Variants in ARHGEF40 observed in about 807,000 individuals in gnomAD.
ARHGEF40 encodes the protein Rho guanine nucleotide exchange factor (GEF) 40.
A neutral mutation model predicts 165.9 loss-of-function variants in ARHGEF40; 98 were observed. The ratio of observed to expected loss-of-function variants is 0.59; its 90% CI spans 0.50 to 0.70. The LOEUF (loss-of-function observed/expected upper bound fraction) is 0.70, where lower values mean the gene tolerates loss of function less well. ARHGEF40 is among the 30% of genes least tolerant of loss of function. The pLI, the probability that ARHGEF40 is intolerant of heterozygous loss-of-function variation, is 0.00. For synonymous variants in ARHGEF40, 792 were observed against 814.3 expected, an observed-to-expected ratio of 0.97 and a Z score of 0.47; for missense variants, 1,815 against 1,968.0, an observed-to-expected ratio of 0.92 and a Z score of 1.47.
At chr14:21,063,357 G>A in the ARHGEF40 span, among the ~76,000 whole-genome samples, 1 of 152,252 alleles carries the variant, frequency 6.6e-6, no homozygotes, top group South Asian at 2.1e-4. Flanking sequence ...CTCATCTGAA[G>A]TGCAAATATC....
At chr14:21,071,338 G>A (rs1594542433) in intron 1 of ARHGEF40, among the ~76,000 whole-genome samples, 1 of 152,154 alleles carries the variant, frequency 6.6e-6, no homozygotes, top group Admixed American at 6.5e-5. Flanking sequence ...GAGGGCGGGG[G>A]CATGGCCAAG....
chr14:21,069,226 C>G (rs954567850), upstream of ARHGEF40, among the ~76,000 whole-genome samples: 2 of 152,222 alleles, frequency 1.3e-5, no homozygotes, highest in African/African-American at 4.8e-5. Flanking sequence ...ATCTGGCCTT[C>G]CTTTCTCATT....
In ARHGEF40 at chr14:21,070,654, C is replaced by G. The variant is rs1034966690; in HGVS notation, c.3+255C>G. ...TCCCCCATCCTCCCTTGGGTCTCTCCCCTAATCCACACACCTCCCCGCTCC... is the reference window on the plus strand; with the variant it reads ...TCCCCCATCCTCCCTTGGGTCTCTCGCCTAATCCACACACCTCCCCGCTCC... On this transcript the variant is annotated intron_variant, in intron 1 of 23. Transcript: ENST00000298694. This position sits in a 1 kb window ranked among gnomAD's most constrained non-coding sequence, Gnocchi z 4.7. 3.3e-5 allele frequency among the ~76,000 whole-genome samples: 5 copies of G among 152,036 alleles called. No individual in the cohort carries two copies. Among genetic ancestry groups the G allele is most frequent in the Non-Finnish European group, 5.9e-5 (4 of 67,990 alleles).
At position 21,089,199 on chromosome 14, in the gene ARHGEF40, TCTC is replaced by T. The variant is rs1888634271; in HGVS notation, c.*194_*196del. ...CTCTAGTCTCCCTAGCTTGGTGCCTTCTCCTGCAGGAGTCAGAGCAGCCACATT... is the reference window on the plus strand; with the variant it reads ...CTCTAGTCTCCCTAGCTTGGTGCCTTCTGCAGGAGTCAGAGCAGCCACATT... On this transcript the variant is annotated 3_prime_UTR_variant, in exon 24 of 24. Transcript: ENST00000298694. 2 of 293,974 alleles carry T rather than the reference TCTC, an allele frequency of 6.8e-6. No individual in the cohort carries two copies. Among genetic ancestry groups the T allele is most frequent in the Non-Finnish European group, 1.3e-5 (2 of 157,822 alleles). The allele number at this position is 293,974 out of a possible 1,614,324, so 18.2% of individuals were successfully genotyped here.
chr14:21,081,636 G>GGGCCCT lies in ARHGEF40; in HGVS notation c.2777_2782dup (p.Ala926_Leu927dup), dbSNP rs774103378. ...AGTGCCGGCACCTTCCAGGAGATGC[G>GGGCCCT]GGCCCTGGCCCTGGACCTGGGCAGC... On this transcript the variant is annotated inframe_insertion, in exon 14 of 24. Transcript: ENST00000298694. 3.1e-6 allele frequency: 5 copies of GGGCCCT among 1,609,374 alleles called. No individual in the cohort carries two copies. The highest frequency in any genetic ancestry group is 4.2e-6 in the Non-Finnish European group (5 of 1,178,490).
At chr14:21,068,800 A>G (rs202013626), upstream of ARHGEF40, among the ~76,000 whole-genome samples, 4 of 152,368 alleles carry the variant, frequency 2.6e-5, no homozygotes, top group East Asian at 7.7e-4. Context: ...CGCATGGAGC[A>G]GAGGCCTCTT....
At position 21,075,860 on chromosome 14, in the gene ARHGEF40, C is replaced by G; in HGVS notation, c.1739+95C>G. On this transcript the variant is annotated intron_variant, in intron 5 of 23. Coordinates refer to ENST00000298694, the MANE Select transcript of ARHGEF40 (RefSeq NM_018071.5). The surrounding 1 kb of genome is among the most constrained non-coding windows in gnomAD (Gnocchi z 4.5). ...TCTCAGGACACTGACCTTCTGACCT[C>G]TAAGGACACCTACTTCTTCAACCTT... 6.9e-7 allele frequency: 1 copy of G among 1,452,402 alleles called. No individual in the cohort carries two copies. Among genetic ancestry groups the G allele is most frequent in the Admixed American group, 2.1e-5 (1 of 47,016 alleles). 90.0% of individuals were successfully genotyped at this position (1,452,402 alleles called of 1,614,324 possible). A position where few individuals can be genotyped will look rare whatever the true frequency, so the allele number is the denominator to read the frequency against.
the ARHGEF40 span, among the ~76,000 whole-genome samples, chr14:21,062,712 T>TGTGC: frequency 6.8e-6 from 1 of 147,516 alleles, no homozygotes; most frequent in African/African-American, 2.5e-5. Context: ...GGGCACAGTG[T>TGTGC]GTGTGTGTGT....
chr14:21,085,009 C>A, intron 18 of ARHGEF40, 86 bp downstream of exon 18: 1 of 1,502,920 alleles, frequency 6.7e-7, no homozygotes, highest in South Asian at 1.3e-5. Flanking sequence ...TCAGCCCCAA[C>A]AGAGGTTCAG....
At chr14:21,079,175 G>A (rs1887676432) in intron 11 of ARHGEF40, among the ~76,000 whole-genome samples, 165 bp downstream of exon 11, 1 of 152,178 alleles carries the variant, frequency 6.6e-6, no homozygotes, top group African/African-American at 2.4e-5. Context: ...ACAAGAGGGT[G>A]GGAGCATCAT....
rs143517790 is a variant in ARHGEF40, at chr14:21,082,948, GTA to G, written c.3573+32_3573+33del. ...TTTTTCTCCAACCTTCAGGAGAAAA[GTA>G]GAGAGGCCAGAAAGACCTAAAAACC... On this transcript the variant is annotated intron_variant, in intron 16 of 23. Transcript: ENST00000298694. 2.5e-4 allele frequency: 396 copies of G among 1,603,396 alleles called. No individual in the cohort carries two copies. The African/African-American group carries it at 4.8e-3, about 19-fold the overall frequency.
In ARHGEF40 at chr14:21,088,033, C is replaced by A. The variant is rs774587341; in HGVS notation, c.4453C>A (p.Pro1485Thr). The A allele has an allele frequency of 1.2e-6, 2 of 1,613,542 alleles. No individual in the cohort carries two copies. The highest frequency in any genetic ancestry group is 4.5e-5 in the East Asian group (2 of 44,854). Residue 1485 changes from proline to threonine, a missense_variant, in exon 22 of 24, where the codon CCC becomes ACC. By Grantham distance (38) the Pro-to-Thr change is conservative (BLOSUM62 -1). Transcript: ENST00000298694. The stretch of plus-strand genomic sequence containing the variant: ...ACCAAGAAACAGCCCCAGCCTGCAA[C>A]CCCCCCACCCTGGGAGCAGCACTCC... ...PGPRNSPSLQ[P>T]PHPGSSTPTL... is the part of the protein sequence containing the mutation.
At position 21,082,824 on chromosome 14, in the gene ARHGEF40, G is replaced by A; in HGVS notation, c.3487-7G>A. 7 of 1,613,966 alleles carry A rather than the reference G, an allele frequency of 4.3e-6. No individual in the cohort carries two copies. The highest frequency in any genetic ancestry group is 5.9e-6 in the Non-Finnish European group (7 of 1,179,946). The stretch of plus-strand genomic sequence containing the variant: ...GGGGACTCCTTATCTGTTCTTTACT[G>A]GCACAGGGGGACCAGTTCAGCCTTT... On this transcript the variant is annotated splice_region_variant and splice_polypyrimidine_tract_variant and intron_variant, in intron 15 of 23. Transcript: ENST00000298694.
chr14:21,088,444 T>C (rs1016690666), intron 22 of ARHGEF40, among the ~76,000 whole-genome samples: 2 of 151,200 alleles, frequency 1.3e-5, no homozygotes, highest in Non-Finnish European at 2.9e-5. Flanking sequence ...TTTCAGAGGC[T>C]GAGGTGGGAG....
rs749621434 is a variant in ARHGEF40 at position 21,082,828 on chromosome 14, C to T, written c.3487-3C>T. 1.2e-6 allele frequency: 2 copies of T among 1,614,056 alleles called. No individual in the cohort carries two copies. Among genetic ancestry groups the T allele is most frequent in the Non-Finnish European group, 8.5e-7 (1 of 1,179,964 alleles). On this transcript the variant is annotated splice_region_variant and splice_polypyrimidine_tract_variant and intron_variant, in intron 15 of 23. Transcript: ENST00000298694. ...ACTCCTTATCTGTTCTTTACTGGCACAGGGGGACCAGTTCAGCCTTTATGC... is the reference window on the plus strand; with the variant it reads ...ACTCCTTATCTGTTCTTTACTGGCATAGGGGGACCAGTTCAGCCTTTATGC...
chr14:21,084,147 A>G lies in ARHGEF40; in HGVS notation c.3789+97A>G. On this transcript the variant is annotated intron_variant, in intron 17 of 23. Transcript: ENST00000298694. ...ACAGGAGAACCAGGCTCCAGGTCAG[A>G]GGGCTCCAGGCTCTAATTTCTAACC... 2.3e-6 allele frequency: 3 copies of G among 1,285,842 alleles called. No individual in the cohort carries two copies. In the East Asian group the frequency reaches 7.7e-5, roughly 33 times the overall value. The allele number at this position is 1,285,842 out of a possible 1,614,324, so 79.7% of individuals were successfully genotyped here.
Position 21,072,708 on chromosome 14 carries a change from C to G in ARHGEF40, c.4-337C>G, listed in dbSNP as rs138557130. Among the ~76,000 whole-genome samples, 1 of 152,296 alleles carries G rather than the reference C, an allele frequency of 6.6e-6. No individual in the cohort carries two copies. Among genetic ancestry groups the G allele is most frequent in the Non-Finnish European group, 1.5e-5 (1 of 68,024 alleles). On this transcript the variant is annotated intron_variant, in intron 1 of 23. Transcript: ENST00000298694. This position sits in a 1 kb window ranked among gnomAD's most constrained non-coding sequence, Gnocchi z 4.1. ...GCTCAGTCCCCTGATAGCCCAGAAG[C>G]CTGTCTTTTCTCTCCTGGGAAAGAT...
chr14:21,063,060 G>A, the ARHGEF40 span, among the ~76,000 whole-genome samples: 2 of 152,018 alleles, frequency 1.3e-5, no homozygotes, highest in African/African-American at 4.8e-5. Context: ...AGCCCAGGAG[G>A]TGGTGGTTGC....
In ARHGEF40 at chr14:21,078,421, C is replaced by T. The variant is rs930485816; in HGVS notation, c.2179C>T (p.Arg727Trp). Residue 727 changes from arginine to tryptophan, a missense_variant, in exon 10 of 24, where the codon CGG becomes TGG. Transcript: ENST00000298694. ...ACTGCAGAAGGTGCTGGCAGATCCCCGGCTGACGGCACTGCAGAGGGATGG... is the reference window on the plus strand; with the variant it reads ...ACTGCAGAAGGTGCTGGCAGATCCCTGGCTGACGGCACTGCAGAGGGATGG... ...KPLQKVLADP[R>W]LTALQRDGGA... 8 of 1,611,400 alleles carry T rather than the reference C, an allele frequency of 5.0e-6. No homozygotes were observed. Among genetic ancestry groups the T allele is most frequent in the African/African-American group, 4.0e-5 (3 of 74,998 alleles).
Sources: gnomAD v4.1 joint callset for allele counts (sites outside exome capture counted in the v4.1 genomes callset) on GRCh38, gnomAD v4.1.1 for gene constraint, Gnocchi (gnomAD v3.1) non-coding constraint, MANE v1.5 for transcripts, NCBI Gene and HGNC (gene_info 2026-07-23, HGNC 2026-07-21) for gene names.